ECPAS: variants seen among roughly 807,000 people sequenced by gnomAD.
ECPAS encodes proteasome adapter and scaffold protein ECM29.
Under a neutral mutation model 255.1 loss-of-function variants are expected in ECPAS, and 70 were observed. The ratio of observed to expected loss-of-function variants is 0.27; its 90% confidence interval spans 0.23 to 0.33. The LOEUF (loss-of-function observed/expected upper bound fraction) is 0.33, where lower values mean the gene tolerates loss of function less well. Ranked by LOEUF, ECPAS falls within the 10% of genes least tolerant of loss-of-function variation. ECPAS has a pLI of 1.00. For synonymous variants in ECPAS, 784 were observed against 775.0 expected (o/e 1.01, Z -0.19); for missense variants, 1,817 against 2,206.4 (o/e 0.82, Z 3.54).
At chr9:111,448,263 C>T (rs953447754) in intron 3 of ECPAS, among the ~76,000 whole-genome samples, 1 of 151,924 alleles carries the variant, frequency 6.6e-6, no homozygotes, top group Admixed American at 6.6e-5. Context: ...TGTGACATTT[C>T]CATTGTACTA....
chr9:111,405,159 A>T (rs535857315), intron 24 of ECPAS, among the ~76,000 whole-genome samples: 1 of 149,784 alleles, frequency 6.7e-6, no homozygotes, highest in Non-Finnish European at 1.5e-5. Flanking sequence ...CCTGACTTCA[A>T]AATATATTAC....
intron 2 of ECPAS, among the ~76,000 whole-genome samples, chr9:111,464,292 C>A (rs2098276617): frequency 1.3e-5 from 2 of 151,118 alleles, no homozygotes; most frequent in South Asian, 4.2e-4. Flanking sequence ...AAAAAATTAG[C>A]CAGGCATGGT....
chr9:111,413,865 T>G, intron 20 of ECPAS, 30 bp downstream of exon 20: 1 of 1,366,406 alleles, frequency 7.3e-7, no homozygotes, highest in Non-Finnish European at 1.0e-6. Flanking sequence ...AATAGAATTT[T>G]TTTTAAAAAA....
chr9:111,381,398 A>C (rs1038182672), intron 35 of ECPAS, among the ~76,000 whole-genome samples: 12 of 152,198 alleles, frequency 7.9e-5, no homozygotes, highest in African/African-American at 2.9e-4. Context: ...CTCCAAAACA[A>C]TTACAAAATA....
At chr9:111,404,252 A>G (rs1416089811) in intron 24 of ECPAS, among the ~76,000 whole-genome samples, 2 of 149,880 alleles carry the variant, frequency 1.3e-5, no homozygotes, top group East Asian at 2.0e-4. Flanking sequence ...AAGGAAAGAA[A>G]TAATAAAATT....
intron 16 of ECPAS, among the ~76,000 whole-genome samples, chr9:111,418,594 AAAAG>A (rs1438003121): frequency 6.6e-6 from 1 of 152,224 alleles, no homozygotes; most frequent in Non-Finnish European, 1.5e-5. Flanking sequence ...TAAAGGGCCG[AAAAG>A]AAAGAATTAA....
In ECPAS at chr9:111,404,738, G is replaced by A. The variant is rs572031430; in HGVS notation, c.2652+3833C>T. On this transcript the variant is annotated intron_variant, in intron 24 of 49. Transcript: ENST00000684092. ...ATAAGTTACCCACTTATAGCAGTGC[G>A]AGAACAGACTAATATGCCAACGGCA... is the stretch of plus-strand genomic sequence containing the variant. Among the ~76,000 whole-genome samples, 150 of 136,714 alleles carry A rather than the reference G, an allele frequency of 1.1e-3. 7 individuals are homozygous for A. The Middle Eastern group carries it at 0.017, about 15-fold the overall frequency. The allele number at this position is 136,714 out of a possible 152,430, so 89.7% of individuals were successfully genotyped here.
intron 15 of ECPAS, among the ~76,000 whole-genome samples, chr9:111,421,275 T>C (rs1194152801): frequency 6.6e-6 from 1 of 152,182 alleles, no homozygotes; most frequent in Admixed American, 6.5e-5. Context: ...GTCAGTCTAA[T>C]TCCATTAGGA....
rs2098211013 is a variant in ECPAS, at chr9:111,420,102, G to T, written c.1474C>A (p.Gln492Lys). 2 of 1,611,934 alleles carry T rather than the reference G, an allele frequency of 1.2e-6. No individual in the cohort carries two copies. Among genetic ancestry groups the T allele is most frequent in the Non-Finnish European group, 1.7e-6 (2 of 1,178,820 alleles). ...YLIKPEVQVR[Q>K]VAVKFASTVF... is the part of the protein sequence containing the mutation. Reference sequence around the variant, plus strand: ...GTACTGGCAAATTTCACAGCCACTTGTCGAACTTGAACTTCAGGCTATTTC... The same window carrying T: ...GTACTGGCAAATTTCACAGCCACTTTTCGAACTTGAACTTCAGGCTATTTC... Residue 492 changes from glutamine to lysine, a missense_variant, in exon 16 of 50, where the codon CAA becomes AAA. Gln to Lys is a moderately conservative substitution (Grantham distance 53, BLOSUM62 1). Transcript: ENST00000684092.
intron 25 of ECPAS, among the ~76,000 whole-genome samples, chr9:111,395,735 C>A (rs2098166641): frequency 6.6e-6 from 1 of 152,276 alleles, no homozygotes; most frequent in East Asian, 1.9e-4. Flanking sequence ...TGTGAGCCCT[C>A]CCTGTTGTCA....
chr9:111,466,240 G>A (rs982165667), intron 2 of ECPAS, among the ~76,000 whole-genome samples: 1 of 152,134 alleles, frequency 6.6e-6, no homozygotes, highest in Non-Finnish European at 1.5e-5. Context: ...GAGGTCAGGA[G>A]TTCAAGACCA....
chr9:111,484,383 C>CA, upstream of ECPAS: 1 of 1,611,738 alleles, frequency 6.2e-7, no homozygotes, highest in Non-Finnish European at 8.5e-7. Flanking sequence ...GACGTGGACT[C>CA]AGAAAAGTAG....
rs572253692 is a variant in ECPAS, at chr9:111,393,854, T to C, written c.2923-120A>G. ...TTATCCAAGCCAGTTACAATCGCTG[T>C]TTTGCTCTCATCTTTACAGGTGGCC... On this transcript the variant is annotated intron_variant, in intron 26 of 49. Coordinates refer to ENST00000684092, the MANE Select transcript of ECPAS (RefSeq NM_001364929.1). 1,382 of 774,952 alleles carry C rather than the reference T, an allele frequency of 1.8e-3. 5 individuals carry two copies. The highest frequency in any genetic ancestry group is 1.9e-3 in the Non-Finnish European group (897 of 475,734). 48.0% of individuals were successfully genotyped at this position (774,952 alleles called of 1,614,324 possible). A position where few individuals can be genotyped will look rare whatever the true frequency, so the allele number is the denominator to read the frequency against.
Position 111,362,239 on chromosome 9 carries a change from T to C in ECPAS, c.5381-70A>G, listed in dbSNP as rs1289798264. Reference sequence around the variant, plus strand: ...AGCAAAAAGAAAAAACCCCAAAGAATCCTTATAGAACAAGCAAGAAAAAAA... The same window carrying C: ...AGCAAAAAGAAAAAACCCCAAAGAACCCTTATAGAACAAGCAAGAAAAAAA... On this transcript the variant is annotated intron_variant, in intron 49 of 49. Coordinates refer to ENST00000684092, the MANE Select transcript of ECPAS (RefSeq NM_001364929.1). 5.2e-6 allele frequency: 7 copies of C among 1,337,842 alleles called. No homozygotes were observed. The Admixed American group carries it at 2.0e-4, about 37-fold the overall frequency. The allele number at this position is 1,337,842 out of a possible 1,614,324, so 82.9% of individuals were successfully genotyped here.
rs749496375 is a variant in ECPAS, at chr9:111,425,784, T to C, written c.1095A>G (p.Leu365=). Residue 365 remains leucine, a synonymous_variant, in exon 11 of 50, where the codon TTA becomes TTG. Coordinates refer to ENST00000684092, the MANE Select transcript of ECPAS (RefSeq NM_001364929.1). The stretch of plus-strand genomic sequence containing the variant: ...GCACAAATTGCAGGGATAATGTTCT[T>C]AACTTTGAATTTGTATTTGTACCAA... ...GLFGTNTNSK[L]RTLSLQFVHH... is the part of the protein sequence containing the mutation. 3.1e-6 allele frequency: 5 copies of C among 1,590,882 alleles called. No individual in the cohort carries two copies. Among genetic ancestry groups the C allele is most frequent in the East Asian group, 2.2e-5 (1 of 44,602 alleles).
chr9:111,455,470 C>T (rs536570709), intron 2 of ECPAS, among the ~76,000 whole-genome samples: 2 of 152,176 alleles, frequency 1.3e-5, no homozygotes, highest in East Asian at 1.9e-4. Flanking sequence ...GGCAATAAAG[C>T]GAGACTCTGT....
Position 111,410,211 on chromosome 9 carries a change from A to T in ECPAS, c.2380T>A (p.Ser794Thr). 1 of 1,607,378 alleles carries T rather than the reference A, an allele frequency of 6.2e-7. No individual in the cohort carries two copies. Among genetic ancestry groups the T allele is most frequent in the Non-Finnish European group, 8.5e-7 (1 of 1,177,402 alleles). Reference protein sequence around the residue: ...LIQSATETIGSFLDSTSPLLA... With the variant: ...LIQSATETIGTFLDSTSPLLA... Reference sequence around the variant, plus strand: ...AGGGGTGATGTACTGTCCAAAAATGAGCCTGTAAGCACATTTAGCCAAAAA... The same window carrying T: ...AGGGGTGATGTACTGTCCAAAAATGTGCCTGTAAGCACATTTAGCCAAAAA... The change falls in exon 23 of 50, where the codon TCA becomes ACA. Residue 794 changes from serine to threonine, a missense_variant and splice_region_variant. Ser to Thr is a moderately conservative substitution (Grantham distance 58). Coordinates refer to ENST00000684092, the MANE Select transcript of ECPAS (RefSeq NM_001364929.1).
At chr9:111,465,511 G>A (rs2098278465) in intron 2 of ECPAS, among the ~76,000 whole-genome samples, 2 of 152,018 alleles carry the variant, frequency 1.3e-5, no homozygotes, top group Non-Finnish European at 2.9e-5. Context: ...TTGCACTGCA[G>A]CCTGGGCTAC....
chr9:111,444,321 A>G, intron 4 of ECPAS, 57 bp downstream of exon 4: 3 of 1,193,922 alleles, frequency 2.5e-6, no homozygotes, highest in Non-Finnish European at 3.7e-6. Flanking sequence ...GACATCTAAT[A>G]AATGTTAGGA....
Sources: allele counts gnomAD v4.1 joint callset (sites outside exome capture counted in the v4.1 genomes callset), GRCh38; gene constraint gnomAD v4.1.1; transcripts MANE v1.5; gene names NCBI Gene and HGNC (gene_info 2026-07-23, HGNC 2026-07-21).